The following ANK2 variants were observed in gnomAD, a reference collection of about 807,000 sequenced individuals.
ANK2 encodes the protein ankyrin-2.
Under a neutral mutation model 360.5 loss-of-function variants are expected in ANK2, and 83 were observed. The observed-to-expected ratio is 0.23, with a 90% CI of 0.19 to 0.28. ANK2 has a LOEUF of 0.28. Ranked by LOEUF, ANK2 falls within the 10% of genes least tolerant of loss-of-function variation. The pLI is 1.00. For synonymous variants in ANK2, 1,740 were observed against 1,759.5 expected (o/e 0.99, Z 0.28); for missense variants, 4,201 against 4,795.7 (o/e 0.88, Z 3.66).
chr4:113,129,356 T>G (rs2095866004), intron 1 of ANK2, among the ~76,000 whole-genome samples: 1 of 152,212 alleles, frequency 6.6e-6, no homozygotes, highest in Admixed American at 6.5e-5. Context: ...TAACCCATTG[T>G]GTTTAAGTCA....
chr4:113,346,199 T>C (rs2094830875), intron 35 of ANK2, among the ~76,000 whole-genome samples, 177 bp downstream of exon 35: 1 of 152,232 alleles, frequency 6.6e-6, no homozygotes. Context: ...TTTGATTCTC[T>C]GTCAGATTTA....
chr4:112,939,138 T>C (rs2093994782), intron 2 of ANK2, among the ~76,000 whole-genome samples: 1 of 152,170 alleles, frequency 6.6e-6, no homozygotes, highest in South Asian at 2.1e-4. Flanking sequence ...TTAAAACAAA[T>C]ATTTTATTTT....
chr4:112,901,062 A>G (rs1442361405), intron 1 of ANK2, among the ~76,000 whole-genome samples: 1 of 152,224 alleles, frequency 6.6e-6, no homozygotes, highest in Non-Finnish European at 1.5e-5. Context: ...ACTATAAGTT[A>G]TAAGTTTTTA....
At chr4:113,204,148 T>G (rs980715229) in intron 4 of ANK2, among the ~76,000 whole-genome samples, 2 of 152,112 alleles carry the variant, frequency 1.3e-5, no homozygotes, top group African/African-American at 4.8e-5. Flanking sequence ...TATTAATATA[T>G]TCTCTAATTA....
intron 2 of ANK2, among the ~76,000 whole-genome samples, chr4:113,005,148 A>C (rs1427376848): frequency 1.3e-5 from 2 of 152,196 alleles, no homozygotes; most frequent in African/African-American, 4.8e-5. Context: ...TATCATAGAC[A>C]GGGCTAATTT....
At chr4:112,914,649 A>C (rs2089072569) in intron 2 of ANK2, among the ~76,000 whole-genome samples, 1 of 151,994 alleles carries the variant, frequency 6.6e-6, no homozygotes. Flanking sequence ...CTAAAATCTG[A>C]TTTTTCCCTT....
intron 2 of ANK2, among the ~76,000 whole-genome samples, chr4:113,180,414 G>A (rs1374112140): frequency 2.0e-5 from 3 of 152,116 alleles, no homozygotes. Flanking sequence ...TGAAAATGAT[G>A]CTTATTATAA....
chr4:113,091,534 A>G (rs2088136165), intron 1 of ANK2, among the ~76,000 whole-genome samples: 2 of 152,232 alleles, frequency 1.3e-5, no homozygotes, highest in African/African-American at 4.8e-5. Flanking sequence ...AAACGGTCCA[A>G]ATGTCTGCAG....
intron 1 of ANK2, among the ~76,000 whole-genome samples, chr4:113,067,986 AT>A (rs1424866287): frequency 4.6e-5 from 7 of 152,150 alleles, no homozygotes; most frequent in Non-Finnish European, 1.0e-4. Context: ...TAATGCTGGC[AT>A]TTTTCCTAAG....
intron 14 of ANK2, 58 bp downstream of exon 14, chr4:113,265,053 G>A: frequency 2.7e-6 from 4 of 1,485,346 alleles, no homozygotes; most frequent in Non-Finnish European, 3.7e-6. Context: ...TCATCCTTAA[G>A]AGAGGGTGTT....
intron 2 of ANK2, among the ~76,000 whole-genome samples, chr4:113,178,744 G>A (rs939406955): frequency 6.6e-6 from 1 of 152,118 alleles, no homozygotes; most frequent in African/African-American, 2.4e-5. Flanking sequence ...CTTTACATGT[G>A]ATGTCTTATC....
At chr4:112,858,785 C>T (rs1229026781) in intron 1 of ANK2, among the ~76,000 whole-genome samples, 1 of 152,122 alleles carries the variant, frequency 6.6e-6, no homozygotes, top group Non-Finnish European at 1.5e-5. Context: ...GTAGGTAATC[C>T]TTTTTTCTTT....
chr4:113,191,916 A>G (rs917965291), intron 2 of ANK2, among the ~76,000 whole-genome samples: 2 of 152,038 alleles, frequency 1.3e-5, no homozygotes, highest in Non-Finnish European at 1.5e-5. Flanking sequence ...CAGAACCCCA[A>G]ATGTGGACAC....
intron 39 of ANK2, 58 bp from the exon 40 acceptor site, chr4:113,363,280 A>G: frequency 2.5e-6 from 4 of 1,573,660 alleles, no homozygotes; most frequent in Non-Finnish European, 3.5e-6. Context: ...ACAAAGCAAA[A>G]TGTAGAGACT....
chr4:112,857,305 A>T (rs1288898514), intron 1 of ANK2, among the ~76,000 whole-genome samples: 2 of 152,254 alleles, frequency 1.3e-5, no homozygotes, highest in African/African-American at 4.8e-5. Context: ...GGAGAAAACT[A>T]TTCTAAGACT....
At chr4:113,025,745 G>A (rs1033669944) in intron 2 of ANK2, among the ~76,000 whole-genome samples, 1 of 152,156 alleles carries the variant, frequency 6.6e-6, no homozygotes, top group African/African-American at 2.4e-5. Context: ...GGAGATCTGA[G>A]GGTGGAGGGG....
At chr4:112,875,887 G>A (rs965728765) in intron 1 of ANK2, among the ~76,000 whole-genome samples, 1 of 151,488 alleles carries the variant, frequency 6.6e-6, no homozygotes, top group Non-Finnish European at 1.5e-5. Flanking sequence ...GACCAGATGA[G>A]CGGATCACCC....
chr4:112,711,409 G>A, the ANK2 span, among the ~76,000 whole-genome samples: 3 of 152,108 alleles, frequency 2.0e-5, no homozygotes, highest in Non-Finnish European at 4.4e-5. Context: ...TGTACTCCCA[G>A]CTACTTGGGA....
intron 9 of ANK2, among the ~76,000 whole-genome samples, chr4:113,243,163 C>A (rs2040922498): frequency 6.6e-6 from 1 of 152,046 alleles, no homozygotes; most frequent in South Asian, 2.1e-4. Context: ...AGCAAAACTT[C>A]AAATGTGCCT....
Sources: allele counts gnomAD v4.1 joint callset (sites outside exome capture counted in the v4.1 genomes callset), GRCh38; gene constraint gnomAD v4.1.1; transcripts MANE v1.5; gene names NCBI Gene and HGNC (gene_info 2026-07-23, HGNC 2026-07-21).